The following COL13A1 variants were observed in gnomAD, a reference collection of about 807,000 sequenced individuals.
COL13A1 encodes the protein collagen alpha-1(XIII) chain.
COL13A1 carries 89 observed loss-of-function variants against 130.9 expected under a neutral mutation model. The ratio of observed to expected loss-of-function variants is 0.68; its 90% CI spans 0.57 to 0.81. The LOEUF (loss-of-function observed/expected upper bound fraction) is 0.81, where lower values mean the gene tolerates loss of function less well. COL13A1 is among the 30% of genes least tolerant of loss of function. The pLI is 0.00. For missense variants in COL13A1, 879 were observed against 934.6 expected, an observed-to-expected ratio of 0.94 and a Z score of 0.78; for synonymous variants, 402 against 341.6, an observed-to-expected ratio of 1.18 and a Z score of -1.95.
chr10:69,935,188 T>C (rs1452102348), intron 31 of COL13A1, among the ~76,000 whole-genome samples, 162 bp from the exon 32 acceptor site: 1 of 152,218 alleles, frequency 6.6e-6, no homozygotes, highest in African/African-American at 2.4e-5. Context: ...GTTTTTGACC[T>C]GTTCTGAGCC....
intron 31 of COL13A1, among the ~76,000 whole-genome samples, chr10:69,934,151 T>A (rs1240875105): frequency 1.3e-5 from 2 of 152,226 alleles, no homozygotes; most frequent in Non-Finnish European, 2.9e-5. Context: ...AAGAAAATTT[T>A]AAAAATTCTT....
At chr10:69,816,661 G>A (rs1397259213) in intron 1 of COL13A1, among the ~76,000 whole-genome samples, 1 of 152,162 alleles carries the variant, frequency 6.6e-6, no homozygotes, top group Non-Finnish European at 1.5e-5. Context: ...AGCCAGGGTG[G>A]TGGAAGGGAA....
Position 69,947,330 on chromosome 10 carries a change from C to G in COL13A1, c.2046C>G (p.Asp682Glu). The change falls in exon 38 of 41, where the codon GAC becomes GAG. Residue 682 changes from aspartate (D) to glutamate (E), a missense_variant. Around this residue, in one of 3 missense-constraint regions of COL13A1, gnomAD observed 68 missense variants for 65.8 expected, o/e 1.03. Transcript: ENST00000645393. ...GLPGLHGPPG[D>E]KGNRGERGKK... ...AGGGTTTACATGGACCACCCGGGGACAAGGGAAACCGGGTGAGTCTGAGCC... is the reference window on the plus strand; with the variant it reads ...AGGGTTTACATGGACCACCCGGGGAGAAGGGAAACCGGGTGAGTCTGAGCC... The G allele has an allele frequency of 6.2e-7, 1 of 1,612,962 alleles. No homozygotes were observed. Among genetic ancestry groups the G allele is most frequent in the South Asian group, 1.1e-5 (1 of 90,836 alleles).
At chr10:69,916,956 G>A (rs567100576) in intron 17 of COL13A1, among the ~76,000 whole-genome samples, 11 of 152,296 alleles carry the variant, frequency 7.2e-5, no homozygotes, top group East Asian at 3.9e-4. Context: ...CCCTGGTCCC[G>A]TCCCACAGCC....
chr10:69,867,811 T>C lies in COL13A1; in HGVS notation c.372+6T>C. On this transcript the variant is annotated splice_donor_region_variant and intron_variant, in intron 3 of 40. Transcript: ENST00000645393. Reference sequence around the variant, plus strand: ...TCTCTCTTTCAGGACCTCCTGTAAGTACTCAAGCCGAGGGTCTCGTGCATC... The same window carrying C: ...TCTCTCTTTCAGGACCTCCTGTAAGCACTCAAGCCGAGGGTCTCGTGCATC... 1 of 718,458 alleles carries C rather than the reference T, an allele frequency of 1.4e-6. No individual in the cohort carries two copies. The highest frequency in any genetic ancestry group is 2.6e-6 in the Non-Finnish European group (1 of 385,032). 44.5% of individuals were successfully genotyped at this position (718,458 alleles called of 1,614,324 possible).
chr10:69,864,942 A>G (rs916055858), intron 2 of COL13A1, among the ~76,000 whole-genome samples: 2 of 152,158 alleles, frequency 1.3e-5, no homozygotes, highest in Admixed American at 1.3e-4. Context: ...GACAATCTTC[A>G]TAGTTCTCCC....
intron 32 of COL13A1, among the ~76,000 whole-genome samples, chr10:69,935,837 C>A (rs2066761758): frequency 6.6e-6 from 1 of 151,790 alleles, no homozygotes; most frequent in African/African-American, 2.4e-5. Flanking sequence ...TAATGAAACC[C>A]TGTCTCTTCT....
At chr10:69,814,369 C>T (rs935172514) in intron 1 of COL13A1, among the ~76,000 whole-genome samples, 17 of 152,138 alleles carry the variant, frequency 1.1e-4, no homozygotes, top group Admixed American at 6.5e-5. Context: ...GACCACTTGT[C>T]GCAGAGGTGT....
rs544852834 is a variant in COL13A1, at chr10:69,860,292, G to A, written c.365-7506G>A. ...AGAAGCCCTCAAGGTCAGGGACAGC[G>A]GGTGACCTTTACAGCCTTCTGCACA... On this transcript the variant is annotated intron_variant, in intron 2 of 40. Transcript: ENST00000645393. Among the ~76,000 whole-genome samples the A allele has an allele frequency of 4.3e-4, 66 of 152,332 alleles. 1 individual carries two copies. Among genetic ancestry groups the A allele is most frequent in the African/African-American group, 1.5e-3 (63 of 41,572 alleles).
intron 10 of COL13A1, among the ~76,000 whole-genome samples, chr10:69,890,845 C>G (rs912756773): frequency 7.9e-5 from 12 of 152,214 alleles, no homozygotes; most frequent in Admixed American, 6.5e-4. Flanking sequence ...TGCTAGAATC[C>G]CCTTTGACAG....
At chr10:69,802,856 G>A (rs969323742) in intron 1 of COL13A1, 139 bp downstream of exon 1, 1 of 1,131,170 alleles carries the variant, frequency 8.8e-7, no homozygotes, top group Non-Finnish European at 1.3e-6. Flanking sequence ...GGAGGGGTCG[G>A]GGACACGGAC....
chr10:69,889,326 C>CGGGGGG, intron 9 of COL13A1, 88 bp from the exon 10 acceptor site: 1 of 895,354 alleles, frequency 1.1e-6, no homozygotes, highest in Non-Finnish European at 1.5e-6. Flanking sequence ...GGGAGGAGCA[C>CGGGGGG]AGGGGGCAGG....
At chr10:69,838,324 C>T (rs890975569) in intron 2 of COL13A1, among the ~76,000 whole-genome samples, 2 of 152,240 alleles carry the variant, frequency 1.3e-5, no homozygotes, top group African/African-American at 2.4e-5. Flanking sequence ...CCTAGACTAA[C>T]AAAGTGGCAG....
At position 69,808,676 on chromosome 10, in the gene COL13A1, C is replaced by A. The variant is rs149309837; in HGVS notation, c.294+5959C>A. Among the ~76,000 whole-genome samples the A allele has an allele frequency of 3.4e-3, 525 of 152,358 alleles. 3 individuals carry two copies. The highest frequency in any genetic ancestry group is 0.012 in the African/African-American group (502 of 41,588). On this transcript the variant is annotated intron_variant, in intron 1 of 40. Coordinates refer to ENST00000645393, the MANE Select transcript of COL13A1 (RefSeq NM_001368882.1). ...ACAACGGTCTCTCCATGTGACCACA[C>A]ATGACCCGATGACAGCGATAGAGGC... is the stretch of plus-strand genomic sequence containing the variant.
At chr10:69,846,952 C>T (rs1217298461) in intron 2 of COL13A1, among the ~76,000 whole-genome samples, 1 of 152,230 alleles carries the variant, frequency 6.6e-6, no homozygotes, top group East Asian at 1.9e-4. Context: ...CCACGGCCCT[C>T]ATTAGGGGCT....
chr10:69,948,125 C>T (rs1589719999), intron 38 of COL13A1, among the ~76,000 whole-genome samples: 2 of 152,286 alleles, frequency 1.3e-5, no homozygotes, highest in South Asian at 2.1e-4. Context: ...TGTCTCCTAG[C>T]GGGTCCTAAA....
intron 2 of COL13A1, among the ~76,000 whole-genome samples, chr10:69,847,685 G>C (rs747355666): frequency 6.6e-6 from 1 of 152,210 alleles, no homozygotes; most frequent in Non-Finnish European, 1.5e-5. Context: ...TCTCAGCTTG[G>C]GAGGAATGGC....
intron 2 of COL13A1, among the ~76,000 whole-genome samples, chr10:69,824,824 C>G (rs1396529951): frequency 6.6e-6 from 1 of 152,202 alleles, no homozygotes; most frequent in Non-Finnish European, 1.5e-5. Context: ...TGGGCAATGC[C>G]TGAAGAATTT....
At chr10:69,860,282 C>T (rs1857609607) in intron 2 of COL13A1, among the ~76,000 whole-genome samples, 4 of 152,220 alleles carry the variant, frequency 2.6e-5, no homozygotes, top group Admixed American at 2.6e-4. Context: ...CCCTCAAGGT[C>T]AGGGACAGCG....
Sources: gnomAD v4.1 joint callset for allele counts (sites outside exome capture counted in the v4.1 genomes callset) on GRCh38, gnomAD v4.1.1 for gene constraint, gnomAD v4.1.1 regional missense constraint, MANE v1.5 for transcripts, NCBI Gene and HGNC (gene_info 2026-07-23, HGNC 2026-07-21) for gene names.